Variants in EGFLAM observed in about 807,000 individuals in gnomAD.
EGFLAM encodes pikachurin.
A neutral mutation model predicts 113.1 loss-of-function variants in EGFLAM; 79 were observed. The ratio of observed to expected loss-of-function variants is 0.70; its 90% CI spans 0.58 to 0.84. The LOEUF (loss-of-function observed/expected upper bound fraction) is 0.84, where lower values mean the gene tolerates loss of function less well. Ranked by LOEUF, EGFLAM falls within the 40% of genes least tolerant of loss-of-function variation. EGFLAM has a pLI of 0.00. For missense variants in EGFLAM, 1,265 were observed against 1,291.6 expected, an observed-to-expected ratio of 0.98 and a Z score of 0.32; for synonymous variants, 504 against 487.6, an observed-to-expected ratio of 1.03 and a Z score of -0.44.
intron 1 of EGFLAM, among the ~76,000 whole-genome samples, chr5:38,264,685 T>A (rs1383367917): frequency 6.6e-6 from 1 of 152,118 alleles, no homozygotes; most frequent in African/African-American, 2.4e-5. Flanking sequence ...TTGGGGGAGA[T>A]CTCTCATCTG....
chr5:38,306,937 C>T (rs1212943965), intron 1 of EGFLAM, among the ~76,000 whole-genome samples: 4 of 152,128 alleles, frequency 2.6e-5, no homozygotes. Flanking sequence ...AATCAATAAA[C>T]CCGGCTGGCA....
chr5:38,463,981 A>G lies in EGFLAM; in HGVS notation c.3025A>G (p.Lys1009Glu). Residue 1009 changes from lysine (K) to glutamate (E), a missense_variant, in exon 22 of 22, where the codon AAG becomes GAG. Coordinates refer to ENST00000322350, the MANE Select transcript of EGFLAM (RefSeq NM_152403.4). ...DGKNINTCGAK is the reference protein window; with the variant it reads ...DGKNINTCGAE ...GAAAAACATCAACACTTGTGGAGCCAAGTAACACCAGCTGGCCTTGTCCAA... is the reference window on the plus strand; with the variant it reads ...GAAAAACATCAACACTTGTGGAGCCGAGTAACACCAGCTGGCCTTGTCCAA... The G allele has an allele frequency of 6.2e-7, 1 of 1,614,234 alleles. No homozygotes were observed. The highest frequency in any genetic ancestry group is 1.1e-5 in the South Asian group (1 of 91,082).
chr5:38,404,791 A>C, intron 6 of EGFLAM, among the ~76,000 whole-genome samples: 1 of 152,186 alleles, frequency 6.6e-6, no homozygotes, highest in Admixed American at 6.5e-5. Flanking sequence ...GAGGGCAGCA[A>C]GTTAATACCT....
chr5:38,329,908 G>T (rs1308102065), intron 1 of EGFLAM, among the ~76,000 whole-genome samples: 1 of 152,094 alleles, frequency 6.6e-6, no homozygotes, highest in Non-Finnish European at 1.5e-5. Flanking sequence ...TGTATAGGGT[G>T]CTCAATATGT....
chr5:38,436,081 G>A (rs1048973193), intron 16 of EGFLAM, among the ~76,000 whole-genome samples: 1 of 152,212 alleles, frequency 6.6e-6, no homozygotes, highest in African/African-American at 2.4e-5. Flanking sequence ...CTCCCAAAGT[G>A]CTGAGATTAC....
At chr5:38,446,191 C>T (rs1267432562) in intron 17 of EGFLAM, among the ~76,000 whole-genome samples, 3 of 152,172 alleles carry the variant, frequency 2.0e-5, no homozygotes, top group Admixed American at 1.3e-4. Flanking sequence ...CCGGCTGCCC[C>T]GGCTGAGAGC....
intron 1 of EGFLAM, among the ~76,000 whole-genome samples, chr5:38,295,349 T>C (rs1477059616): frequency 6.6e-6 from 1 of 152,222 alleles, no homozygotes; most frequent in Non-Finnish European, 1.5e-5. Context: ...GAAAGCATAT[T>C]TGCAGTAGTA....
intron 8 of EGFLAM, among the ~76,000 whole-genome samples, chr5:38,407,467 G>A (rs564043031): frequency 2.2e-4 from 33 of 152,272 alleles, no homozygotes; most frequent in African/African-American, 7.5e-4. Flanking sequence ...TAAAGCTTAT[G>A]CATGAGGGTT....
intron 1 of EGFLAM, among the ~76,000 whole-genome samples, chr5:38,324,510 A>C (rs1354821364): frequency 6.6e-6 from 1 of 152,166 alleles, no homozygotes; most frequent in Non-Finnish European, 1.5e-5. Flanking sequence ...ACACAAATAG[A>C]AAAATGCTGT....
intron 12 of EGFLAM, among the ~76,000 whole-genome samples, chr5:38,419,846 G>A (rs1050904987): frequency 6.6e-6 from 1 of 152,036 alleles, no homozygotes; most frequent in African/African-American, 2.4e-5. Context: ...TGGCCAACAT[G>A]GTGAAACTCT....
chr5:38,337,512 G>C lies in EGFLAM; in HGVS notation c.98-8G>C. 6.3e-7 allele frequency: 1 copy of C among 1,587,034 alleles called. No homozygotes were observed. Among genetic ancestry groups the C allele is most frequent in the Non-Finnish European group, 8.6e-7 (1 of 1,163,682 alleles). On this transcript the variant is annotated splice_polypyrimidine_tract_variant and splice_region_variant and intron_variant, in intron 1 of 21. Transcript: ENST00000322350. ...GCCTCTAACACAATCTCTTTTGTTT[G>C]GGGGCAGGCAAGGTAGGGCCTCCTC...
At chr5:38,297,429 CAT>C (rs1194466142) in intron 1 of EGFLAM, among the ~76,000 whole-genome samples, 2 of 152,158 alleles carry the variant, frequency 1.3e-5, no homozygotes, top group Non-Finnish European at 2.9e-5. Context: ...TATCCAGAAA[CAT>C]AGATATTCCT....
At chr5:38,415,707 A>G (rs928988532) in intron 11 of EGFLAM, among the ~76,000 whole-genome samples, 2 of 152,208 alleles carry the variant, frequency 1.3e-5, no homozygotes, top group African/African-American at 4.8e-5. Flanking sequence ...TCATACTGCT[A>G]TGAAGAAACA....
chr5:38,342,430 T>G (rs1739359980), intron 3 of EGFLAM, among the ~76,000 whole-genome samples: 1 of 152,202 alleles, frequency 6.6e-6, no homozygotes, highest in Admixed American at 6.5e-5. Flanking sequence ...CCGATTACCT[T>G]AAAAGGTAGA....
intron 1 of EGFLAM, among the ~76,000 whole-genome samples, chr5:38,301,319 C>G (rs1758573403): frequency 6.6e-6 from 1 of 152,170 alleles, no homozygotes; most frequent in African/African-American, 2.4e-5. Flanking sequence ...AAGTGATCAC[C>G]TTGCAAATGC....
chr5:38,380,640 C>G (rs567857286), intron 6 of EGFLAM, among the ~76,000 whole-genome samples: 1 of 152,172 alleles, frequency 6.6e-6, no homozygotes. Flanking sequence ...TGCATTTGAG[C>G]GTGAATATAA....
At chr5:38,420,120 G>T (rs1741778811) in intron 12 of EGFLAM, among the ~76,000 whole-genome samples, 1 of 152,192 alleles carries the variant, frequency 6.6e-6, no homozygotes, top group Non-Finnish European at 1.5e-5. Flanking sequence ...GCTAGTAAGT[G>T]GTAGAGTCTA....
rs1561252013 is a variant in EGFLAM, at chr5:38,258,845, A to T, written c.91A>T (p.Lys31Ter). The part of the protein sequence containing the change: ...GAVSLRAAIR[K>*]PGKVGPPLDI... ...GGTGTCGCTCCGAGCGGCCATCCGAAAACCAGGTAATGCGCTCCTCCGCCC... is the reference window on the plus strand; with the variant it reads ...GGTGTCGCTCCGAGCGGCCATCCGATAACCAGGTAATGCGCTCCTCCGCCC... The change falls in exon 1 of 22, where the codon AAA becomes TAA. Residue 31 changes from lysine to a stop codon, truncating the protein, a stop_gained. Coordinates refer to ENST00000322350, the MANE Select transcript of EGFLAM (RefSeq NM_152403.4). LOFTEE classifies it high-confidence loss of function. 18 of 1,611,662 alleles carry T rather than the reference A, an allele frequency of 1.1e-5. No individual in the cohort carries two copies. The highest frequency in any genetic ancestry group is 1.5e-5 in the Non-Finnish European group (18 of 1,179,268).
At chr5:38,457,432 G>A (rs1211379142) in intron 19 of EGFLAM, among the ~76,000 whole-genome samples, 2 of 152,154 alleles carry the variant, frequency 1.3e-5, no homozygotes, top group Non-Finnish European at 2.9e-5. Context: ...TTCTGGTGGT[G>A]GCTGGCAGCC....
Sources: allele counts gnomAD v4.1 joint callset (sites outside exome capture counted in the v4.1 genomes callset), GRCh38; gene constraint gnomAD v4.1.1; transcripts MANE v1.5; gene names NCBI Gene and HGNC (gene_info 2026-07-23, HGNC 2026-07-21).